Variants in CACNB2 observed in about 807,000 individuals in gnomAD.
CACNB2 encodes calcium voltage-gated channel auxiliary subunit beta 2.
Under a neutral mutation model 73.3 loss-of-function variants are expected in CACNB2, and 42 were observed. The ratio of observed to expected loss-of-function variants is 0.57; its 90% CI spans 0.45 to 0.74. The LOEUF is 0.74. CACNB2 is among the 30% of genes least tolerant of loss of function. CACNB2 has a pLI of 0.00. For synonymous variants in CACNB2, 348 were observed against 310.3 expected (o/e 1.12, Z -1.28); for missense variants, 940 against 853.0 (o/e 1.10, Z -1.27).
At chr10:18,491,891 GAT>G (rs1770032973) in intron 3 of CACNB2, among the ~76,000 whole-genome samples, 1 of 127,010 alleles carries the variant, frequency 7.9e-6, no homozygotes, top group Non-Finnish European at 1.6e-5. Context: ...GAATGAAAGA[GAT>G]ATGTATCAGT....
chr10:18,357,478 C>T (rs2041969625), intron 2 of CACNB2, among the ~76,000 whole-genome samples: 1 of 152,168 alleles, frequency 6.6e-6, no homozygotes, highest in Non-Finnish European at 1.5e-5. Context: ...AGGGCCACTG[C>T]ATGGACGGAT....
intron 2 of CACNB2, among the ~76,000 whole-genome samples, chr10:18,361,081 T>C (rs2042119202): frequency 6.6e-6 from 1 of 152,082 alleles, no homozygotes; most frequent in East Asian, 1.9e-4. Flanking sequence ...CCCCATCTAC[T>C]AAATGTGTGT....
intron 3 of CACNB2, among the ~76,000 whole-genome samples, chr10:18,459,242 T>G (rs752381671): frequency 1.3e-5 from 2 of 152,226 alleles, no homozygotes; most frequent in Non-Finnish European, 2.9e-5. Flanking sequence ...AAATCTCATG[T>G]CCTAATGACA....
chr10:18,197,908 A>G (rs2034697745), intron 2 of CACNB2, among the ~76,000 whole-genome samples: 1 of 148,498 alleles, frequency 6.7e-6, no homozygotes, highest in South Asian at 2.1e-4. Context: ...TTTATAAATT[A>G]TATATGAATA....
chr10:18,324,174 A>T (rs1159043817), intron 2 of CACNB2, among the ~76,000 whole-genome samples: 1 of 152,228 alleles, frequency 6.6e-6, no homozygotes, highest in Non-Finnish European at 1.5e-5. Flanking sequence ...TCTGTTCATG[A>T]GGAGCTTCGG....
intron 3 of CACNB2, among the ~76,000 whole-genome samples, chr10:18,475,011 C>T (rs1376593214): frequency 1.3e-5 from 2 of 150,534 alleles, no homozygotes; most frequent in African/African-American, 4.9e-5. Flanking sequence ...TACTCAGGTT[C>T]TATAATTTGC....
intron 2 of CACNB2, among the ~76,000 whole-genome samples, chr10:18,269,070 A>G (rs1301235082): frequency 6.6e-6 from 1 of 152,156 alleles, no homozygotes; most frequent in East Asian, 1.9e-4. Flanking sequence ...TTTGCATGAT[A>G]AGAACCTGTT....
intron 2 of CACNB2, among the ~76,000 whole-genome samples, chr10:18,385,264 CAGAG>C (rs1210276730): frequency 6.7e-6 from 1 of 149,754 alleles, no homozygotes; most frequent in Non-Finnish European, 1.5e-5. Flanking sequence ...GCCTGAGCAA[CAGAG>C]AGAGACTCTA....
intron 2 of CACNB2, among the ~76,000 whole-genome samples, chr10:18,233,803 C>A (rs1429957553): frequency 1.3e-5 from 2 of 152,072 alleles, no homozygotes; most frequent in Non-Finnish European, 2.9e-5. Flanking sequence ...AAAATAAGAT[C>A]CCCGCTCCCA....
At chr10:18,353,267 G>A (rs566666176) in intron 2 of CACNB2, among the ~76,000 whole-genome samples, 81 of 152,110 alleles carry the variant, frequency 5.3e-4, no homozygotes, top group Non-Finnish European at 1.0e-3. Context: ...AAAATTAGCC[G>A]GGCACAGTGG....
At chr10:18,260,953 G>T in intron 2 of CACNB2, 1 of 1,288,518 alleles carries the variant, frequency 7.8e-7, no homozygotes, top group Non-Finnish European at 9.9e-7. Context: ...TCCTAACTCT[G>T]TGTTAGCAAT....
intron 2 of CACNB2, among the ~76,000 whole-genome samples, chr10:18,285,537 G>A (rs1350647598): frequency 6.6e-6 from 1 of 152,188 alleles, no homozygotes; most frequent in Non-Finnish European, 1.5e-5. Flanking sequence ...AGCCCCAGCA[G>A]CTATCTGACT....
At chr10:18,208,993 G>A (rs1262066965) in intron 2 of CACNB2, among the ~76,000 whole-genome samples, 3 of 152,162 alleles carry the variant, frequency 2.0e-5, no homozygotes, top group African/African-American at 7.2e-5. Flanking sequence ...GAAGTTGAAT[G>A]TGCACATTTA....
At position 18,140,832 on chromosome 10, in the gene CACNB2, G is replaced by T; in HGVS notation, c.96G>T (p.Ala32=). 1.2e-6 allele frequency: 2 copies of T among 1,603,008 alleles called. No homozygotes were observed. The highest frequency in any genetic ancestry group is 2.2e-5 in the South Asian group (2 of 89,290). ...AACTGCTAGAGAACGTGGCTCCCGC[G>T]GGGGCGCTCGGAGCCGCCGCACAGG... ...QMELLENVAP[A]GALGAAAQSY... The change falls in exon 1 of 14, where the codon GCG becomes GCT. Residue 32 remains alanine (A), a synonymous_variant. Transcript: ENST00000324631.
intron 2 of CACNB2, chr10:18,400,961 C>A: frequency 6.2e-7 from 1 of 1,610,006 alleles, no homozygotes. Context: ...TGGGGTTCTC[C>A]GGGGCTCAGC....
chr10:18,181,419 C>T (rs1469590401), intron 2 of CACNB2, among the ~76,000 whole-genome samples: 2 of 152,126 alleles, frequency 1.3e-5, no homozygotes, highest in African/African-American at 4.8e-5. Flanking sequence ...GGTTAAACCT[C>T]TCTGCCCGTA....
At chr10:18,328,297 C>T (rs1187297050) in intron 2 of CACNB2, among the ~76,000 whole-genome samples, 1 of 152,196 alleles carries the variant, frequency 6.6e-6, no homozygotes, top group Non-Finnish European at 1.5e-5. Flanking sequence ...AGTTGCATCC[C>T]AGACCAATTA....
intron 2 of CACNB2, among the ~76,000 whole-genome samples, chr10:18,195,451 C>T (rs2131286614): frequency 6.6e-6 from 1 of 152,290 alleles, no homozygotes; most frequent in South Asian, 2.1e-4. Context: ...AGGCGAGATC[C>T]CAGTTCTAGT....
At position 18,397,622 on chromosome 10, in the gene CACNB2, G is replaced by A. The variant is rs1320809156; in HGVS notation, c.214-4302G>A. ...CCCAGCTACTCAGGAGGCTGAGGCA[G>A]GAGAATTGCTTGGAGCCAGGAGATG... On this transcript the variant is annotated intron_variant, in intron 2 of 13. Coordinates refer to ENST00000324631, the MANE Select transcript of CACNB2 (RefSeq NM_201596.3). Among the ~76,000 whole-genome samples, 3 of 151,390 alleles carry A rather than the reference G, an allele frequency of 2.0e-5. 1 individual carries two copies. The highest frequency in any genetic ancestry group is 4.2e-4 in the South Asian group (2 of 4,802).
Sources: gnomAD v4.1 joint callset for allele counts (sites outside exome capture counted in the v4.1 genomes callset) on GRCh38, gnomAD v4.1.1 for gene constraint, MANE v1.5 for transcripts, NCBI Gene and HGNC (gene_info 2026-07-23, HGNC 2026-07-21) for gene names.